Variants in KCNQ3 observed in about 807,000 individuals in gnomAD.
The protein encoded by KCNQ3 is potassium voltage-gated channel subfamily Q member 3.
KCNQ3 carries 30 observed loss-of-function variants against 92.5 expected under a neutral mutation model. That is an observed-to-expected ratio of 0.32 (90% CI 0.24 to 0.44). The LOEUF is 0.44. Among genes scored for constraint, KCNQ3 ranks in the 20% least tolerant of loss-of-function variants. KCNQ3 has a pLI of 1.00. For synonymous variants in KCNQ3, 450 were observed against 468.8 expected, an observed-to-expected ratio of 0.96 and a Z score of 0.52; for missense variants, 913 against 1,140.3, an observed-to-expected ratio of 0.80 and a Z score of 2.87.
chr8:132,388,042 G>T (rs1336312290), intron 1 of KCNQ3, among the ~76,000 whole-genome samples: 1 of 146,316 alleles, frequency 6.8e-6, no homozygotes, highest in Admixed American at 6.8e-5. Flanking sequence ...AGAGGAAGAG[G>T]AAGAAGAAGA....
chr8:132,401,562 G>T (rs1820333100), intron 1 of KCNQ3, among the ~76,000 whole-genome samples: 1 of 152,146 alleles, frequency 6.6e-6, no homozygotes, highest in African/African-American at 2.4e-5. Context: ...TTTTAGTAGA[G>T]ATGGGTTTTC....
At chr8:132,280,783 T>C (rs1352298126) in intron 1 of KCNQ3, among the ~76,000 whole-genome samples, 2 of 152,196 alleles carry the variant, frequency 1.3e-5, no homozygotes, top group South Asian at 2.1e-4. Flanking sequence ...GAGTTAATCA[T>C]GTTCAAGGAC....
intron 1 of KCNQ3, among the ~76,000 whole-genome samples, chr8:132,203,834 A>G (rs1827535847): frequency 6.6e-6 from 1 of 152,224 alleles, no homozygotes; most frequent in African/African-American, 2.4e-5. Flanking sequence ...AGGGATTATT[A>G]TTAATGATTG....
At chr8:132,136,298 G>A (rs1825091071) in intron 12 of KCNQ3, among the ~76,000 whole-genome samples, 4 of 152,000 alleles carry the variant, frequency 2.6e-5, no homozygotes, top group African/African-American at 7.3e-5. Flanking sequence ...CAGAGAGGAC[G>A]CGTGTCCATT....
At chr8:132,337,738 C>A (rs7819140) in intron 1 of KCNQ3, among the ~76,000 whole-genome samples, 33,164 of 151,992 alleles carry the variant, frequency 0.22, 3,715 homozygotes, top group East Asian at 0.33. Context: ...AATGCATTTG[C>A]CCTCAATGTG....
At position 132,128,849 on chromosome 8, in the gene KCNQ3, C is replaced by T. The variant is rs569586448; in HGVS notation, c.*413G>A. 6 of 199,130 alleles carry T rather than the reference C, an allele frequency of 3.0e-5. No homozygotes were observed. Among genetic ancestry groups the T allele is most frequent in the Admixed American group, 5.2e-5 (1 of 19,086 alleles). 12.3% of individuals were successfully genotyped at this position (199,130 alleles called of 1,614,324 possible). A position where few individuals can be genotyped will look rare whatever the true frequency, so the allele number is the denominator to read the frequency against. On this transcript the variant is annotated 3_prime_UTR_variant, in exon 15 of 15. Coordinates refer to ENST00000388996, the MANE Select transcript of KCNQ3 (RefSeq NM_004519.4). ...CAGTTAATTGCTGGAGCGTTTTACA[C>T]AAGAGGGCAGTGATCCTAGAAATAA...
At chr8:132,290,037 C>T (rs1299619891) in intron 1 of KCNQ3, among the ~76,000 whole-genome samples, 2 of 152,160 alleles carry the variant, frequency 1.3e-5, no homozygotes, top group Admixed American at 6.5e-5. Flanking sequence ...TTGGGTACAG[C>T]AGACTTTAAT....
chr8:132,407,226 C>T (rs534177078), intron 1 of KCNQ3, among the ~76,000 whole-genome samples: 124 of 152,268 alleles, frequency 8.1e-4, no homozygotes, highest in African/African-American at 2.8e-3. Flanking sequence ...TTCAGGCCAG[C>T]GGAGACAGCA....
intron 1 of KCNQ3, among the ~76,000 whole-genome samples, chr8:132,478,983 G>A (rs1043834794): frequency 1.5e-4 from 23 of 152,028 alleles, no homozygotes; most frequent in African/African-American, 5.5e-4. Context: ...AGAGGGGGGA[G>A]GGGGGGTTGC....
At chr8:132,259,776 T>C (rs1815713707) in intron 1 of KCNQ3, among the ~76,000 whole-genome samples, 1 of 152,124 alleles carries the variant, frequency 6.6e-6, no homozygotes, top group African/African-American at 2.4e-5. Flanking sequence ...TAAAAAACTA[T>C]TAGAACTAAT....
chr8:132,372,720 GCAC>G (rs35653027), intron 1 of KCNQ3, among the ~76,000 whole-genome samples: 41,540 of 143,590 alleles, frequency 0.29, 7,211 homozygotes, highest in African/African-American at 0.51. Context: ...TCGTGCCATT[GCAC>G]CACTTCAGCC....
intron 1 of KCNQ3, among the ~76,000 whole-genome samples, chr8:132,279,812 A>G (rs1816457281): frequency 6.6e-6 from 1 of 152,008 alleles, no homozygotes; most frequent in African/African-American, 2.4e-5. Context: ...ACATATGTGC[A>G]TATATATGCA....
intron 1 of KCNQ3, among the ~76,000 whole-genome samples, chr8:132,248,888 C>T (rs1771882644): frequency 1.3e-5 from 2 of 152,164 alleles, no homozygotes; most frequent in Admixed American, 1.3e-4. Flanking sequence ...AGGCCATAAT[C>T]CCGGGTGTGC....
chr8:132,248,557 C>T (rs1815269765), intron 1 of KCNQ3, among the ~76,000 whole-genome samples: 1 of 152,152 alleles, frequency 6.6e-6, no homozygotes, highest in Non-Finnish European at 1.5e-5. Context: ...ATGAGCAAAA[C>T]CAAGTGAGAG....
intron 1 of KCNQ3, among the ~76,000 whole-genome samples, chr8:132,203,650 T>G (rs1345708106): frequency 1.3e-5 from 2 of 152,334 alleles, no homozygotes; most frequent in Non-Finnish European, 2.9e-5. Context: ...CATTATTTAT[T>G]GCTGTGTGAC....
chr8:132,339,271 T>A (rs1230047227), intron 1 of KCNQ3, among the ~76,000 whole-genome samples: 1 of 152,208 alleles, frequency 6.6e-6, no homozygotes, highest in African/African-American at 2.4e-5. Context: ...ATGTTGTATA[T>A]CATTTTTAAC....
chr8:132,471,258 T>C (rs559892984), intron 1 of KCNQ3, among the ~76,000 whole-genome samples: 2 of 152,276 alleles, frequency 1.3e-5, no homozygotes, highest in Admixed American at 1.3e-4. Context: ...GACATGAGGA[T>C]AGAAGCACCA....
chr8:132,138,274 T>C (rs1473054992), intron 11 of KCNQ3, among the ~76,000 whole-genome samples: 1 of 152,218 alleles, frequency 6.6e-6, no homozygotes, highest in Non-Finnish European at 1.5e-5. Context: ...TTATTGAGCA[T>C]TCACTGTATG....
intron 2 of KCNQ3, among the ~76,000 whole-genome samples, chr8:132,185,730 A>G (rs1826937588): frequency 6.6e-6 from 1 of 152,222 alleles, no homozygotes; most frequent in African/African-American, 2.4e-5. Context: ...AGATTGTAGG[A>G]TACCAGGAAG....
Sources: allele counts gnomAD v4.1 joint callset (sites outside exome capture counted in the v4.1 genomes callset), GRCh38; gene constraint gnomAD v4.1.1; transcripts MANE v1.5; gene names NCBI Gene and HGNC (gene_info 2026-07-23, HGNC 2026-07-21).